The following FAT4 variants were observed in gnomAD, a reference collection of about 807,000 sequenced individuals.
FAT4 encodes protocadherin Fat 4.
FAT4 carries 84 observed loss-of-function variants against 303.9 expected under a neutral mutation model. The observed-to-expected ratio is 0.28, with a 90% confidence interval of 0.23 to 0.33. FAT4 has a LOEUF of 0.33. FAT4 is among the 10% of genes least tolerant of loss of function. The probability of loss-of-function intolerance (pLI) is 1.00; values close to 1 mark genes in which losing one functional copy is unlikely to be tolerated. For missense variants in FAT4, 6,005 were observed against 6,146.8 expected, an observed-to-expected ratio of 0.98 and a Z score of 0.77; for synonymous variants, 2,307 against 2,298.8, an observed-to-expected ratio of 1.00 and a Z score of -0.10.
chr4:125,337,329 A>T (rs1161823240), intron 2 of FAT4, among the ~76,000 whole-genome samples: 3 of 152,112 alleles, frequency 2.0e-5, no homozygotes, highest in African/African-American at 7.2e-5. Flanking sequence ...TTAACCATTA[A>T]TTAATCACAT....
chr4:125,388,254 A>G (rs1733838745), intron 2 of FAT4, among the ~76,000 whole-genome samples: 1 of 152,210 alleles, frequency 6.6e-6, no homozygotes, highest in African/African-American at 2.4e-5. Context: ...GAGGGACTGC[A>G]AAGTTGTTTA....
chr4:125,340,143 A>G (rs1731727519), intron 2 of FAT4, among the ~76,000 whole-genome samples: 1 of 152,046 alleles, frequency 6.6e-6, no homozygotes, highest in Non-Finnish European at 1.5e-5. Flanking sequence ...ATTCTTTTCT[A>G]TTTTGTGGAT....
intron 2 of FAT4, among the ~76,000 whole-genome samples, chr4:125,364,069 G>A (rs1732770898): frequency 6.6e-6 from 1 of 151,996 alleles, no homozygotes; most frequent in Admixed American, 6.6e-5. Flanking sequence ...ATGGACTGAT[G>A]GAGGTTCTTG....
chr4:125,404,416 A>T (rs1281437881), intron 3 of FAT4, among the ~76,000 whole-genome samples: 1 of 152,182 alleles, frequency 6.6e-6, no homozygotes, highest in Non-Finnish European at 1.5e-5. Flanking sequence ...CTCAAAAAAT[A>T]TACCGATACT....
chr4:125,401,302 T>G (rs1182688802), intron 3 of FAT4, among the ~76,000 whole-genome samples: 1 of 152,024 alleles, frequency 6.6e-6, no homozygotes, highest in East Asian at 1.9e-4. Flanking sequence ...TTTGTTGTTG[T>G]TTTTAGTTGC....
In FAT4 at chr4:125,452,823, T is replaced by C. The variant is rs973285632; in HGVS notation, c.11800+13T>C. The C allele has an allele frequency of 3.2e-6, 5 of 1,585,296 alleles. No individual in the cohort carries two copies. The Admixed American group carries it at 5.4e-5, about 17-fold the overall frequency. On this transcript the variant is annotated intron_variant, in intron 10 of 17. Coordinates refer to ENST00000394329, the MANE Select transcript of FAT4 (RefSeq NM_001291303.3). The stretch of plus-strand genomic sequence containing the variant: ...ACTGGATACACAGGTATGACAACGT[T>C]TGTACTTTTCTCACTAAGACTTTAG...
chr4:125,375,375 G>A (rs1351055985), intron 2 of FAT4, among the ~76,000 whole-genome samples: 1 of 152,134 alleles, frequency 6.6e-6, no homozygotes, highest in East Asian at 1.9e-4. Context: ...CAAAGTAAAA[G>A]GCAAAAAGTC....
chr4:125,486,711 A>C (rs1727424787), intron 16 of FAT4, among the ~76,000 whole-genome samples: 1 of 152,236 alleles, frequency 6.6e-6, no homozygotes, highest in South Asian at 2.1e-4. Context: ...TATCCTTTAG[A>C]TAAATTGTAA....
chr4:125,413,430 C>T (rs1033701627), intron 5 of FAT4, among the ~76,000 whole-genome samples: 2 of 151,804 alleles, frequency 1.3e-5, no homozygotes, highest in Non-Finnish European at 2.9e-5. Context: ...TTAAAAGTCA[C>T]AACTCATAAT....
At chr4:125,400,655 A>G (rs1489280332) in intron 3 of FAT4, among the ~76,000 whole-genome samples, 1 of 151,904 alleles carries the variant, frequency 6.6e-6, no homozygotes, top group Non-Finnish European at 1.5e-5. Context: ...CTAGGTATTT[A>G]GACCAACACT....
chr4:125,484,335 C>T (rs1727335541), intron 16 of FAT4, among the ~76,000 whole-genome samples: 1 of 152,098 alleles, frequency 6.6e-6, no homozygotes, highest in South Asian at 2.1e-4. Context: ...CTTTGTAGGC[C>T]AATATTTAAC....
chr4:125,388,110 C>T (rs1733831172), intron 2 of FAT4, among the ~76,000 whole-genome samples: 1 of 152,132 alleles, frequency 6.6e-6, no homozygotes, highest in East Asian at 1.9e-4. Flanking sequence ...GTTCTAGTGA[C>T]CATGGCAGAG....
At chr4:125,357,578 A>T (rs1017434457) in intron 2 of FAT4, among the ~76,000 whole-genome samples, 2 of 152,194 alleles carry the variant, frequency 1.3e-5, no homozygotes, top group African/African-American at 4.8e-5. Context: ...TTAGATTTTC[A>T]TACAAATACA....
In FAT4 at chr4:125,451,341, A is replaced by G. The variant is rs1041598448; in HGVS notation, c.10331A>G (p.Tyr3444Cys). The G allele has an allele frequency of 1.3e-5, 21 of 1,614,106 alleles. No homozygotes were observed. Among genetic ancestry groups the G allele is most frequent in the Non-Finnish European group, 1.7e-5 (20 of 1,179,998 alleles). Residue 3444 changes from tyrosine to cysteine, a missense_variant, in exon 10 of 18, where the codon TAC becomes TGC. Tyr to Cys is a radical substitution (Grantham distance 194). Transcript: ENST00000394329. ...ATCCCCAGCTGGAGCAGGTTTTCTT[A>G]CTTCATCGGATCAGGGAATGAAAAT... ...DSIPSWSRFS[Y>C]FIGSGNENGA...
chr4:125,332,837 A>G (rs1043870532), intron 2 of FAT4, among the ~76,000 whole-genome samples: 10 of 152,274 alleles, frequency 6.6e-5, no homozygotes, highest in African/African-American at 2.4e-4. Context: ...TTTCTAACTA[A>G]TGATTAAAAC....
At position 125,406,985 on chromosome 4, in the gene FAT4, G is replaced by C; in HGVS notation, c.5413G>C (p.Glu1805Gln). The C allele has an allele frequency of 6.2e-7, 1 of 1,613,822 alleles. No homozygotes were observed. The highest frequency in any genetic ancestry group is 2.2e-5 in the East Asian group (1 of 44,838). Residue 1805 changes from glutamate (E) to glutamine (Q), a missense_variant, in exon 4 of 18, where the codon GAA becomes CAA. Coordinates refer to ENST00000394329, the MANE Select transcript of FAT4 (RefSeq NM_001291303.3). ...GATAGCAACCAGGCGGTTGGACAGG[G>C]AACGCCGCTCCAAATATTCACTGCT... is the stretch of plus-strand genomic sequence containing the variant. ...DLIATRRLDRERRSKYSLLVR... is the reference protein window; with the variant it reads ...DLIATRRLDRQRRSKYSLLVR...
intron 8 of FAT4, among the ~76,000 whole-genome samples, chr4:125,439,916 A>G (rs1221319727): frequency 6.6e-6 from 1 of 152,216 alleles, no homozygotes; most frequent in Non-Finnish European, 1.5e-5. Flanking sequence ...AAAAATGAAC[A>G]TAAAAATTTA....
chr4:125,446,265 A>G lies in FAT4; in HGVS notation c.7200-28A>G, dbSNP rs199906718. Reference sequence around the variant, plus strand: ...AGTTACGATATTAAAACTATATGACATATCCCTATTTCTGCTTTCTGCTTT... The same window carrying G: ...AGTTACGATATTAAAACTATATGACGTATCCCTATTTCTGCTTTCTGCTTT... On this transcript the variant is annotated intron_variant, in intron 8 of 17. Coordinates refer to ENST00000394329, the MANE Select transcript of FAT4 (RefSeq NM_001291303.3). The G allele has an allele frequency of 9.7e-5, 155 of 1,597,776 alleles. 1 individual carries two copies. In the East Asian group the frequency reaches 3.0e-3, roughly 30 times the overall value.
intron 8 of FAT4, among the ~76,000 whole-genome samples, chr4:125,438,248 T>A (rs1243720349): frequency 6.6e-6 from 1 of 152,206 alleles, no homozygotes; most frequent in Non-Finnish European, 1.5e-5. Flanking sequence ...AGTCATTCAT[T>A]TATTTCTATA....
Sources: gnomAD v4.1 joint callset for allele counts (sites outside exome capture counted in the v4.1 genomes callset) on GRCh38, gnomAD v4.1.1 for gene constraint, MANE v1.5 for transcripts, NCBI Gene and HGNC (gene_info 2026-07-23, HGNC 2026-07-21) for gene names.